Variants in AGBL4 observed in about 807,000 individuals in gnomAD.
AGBL4 encodes the protein cytosolic carboxypeptidase 6.
In AGBL4, 58 loss-of-function variants were observed where a neutral mutation model predicts 66.4. The observed-to-expected ratio is 0.87, with a 90% CI of 0.71 to 1.09. AGBL4 has a LOEUF of 1.09. Ranked by LOEUF, AGBL4 falls within the 50% of genes least tolerant of loss-of-function variation. The pLI, the probability that AGBL4 is intolerant of heterozygous loss-of-function variation, is 0.00. For synonymous variants in AGBL4, 234 were observed against 222.9 expected (o/e 1.05, Z -0.44); for missense variants, 579 against 631.0 (o/e 0.92, Z 0.88).
intron 11 of AGBL4, among the ~76,000 whole-genome samples, chr1:48,551,842 T>A (rs12086810): frequency 0.24 from 36,974 of 151,612 alleles, 5,520 homozygotes; most frequent in African/African-American, 0.42. Context: ...CAAGCAGATG[T>A]GCAGCAGCTT....
At chr1:49,797,671 C>T (rs1451259787) in intron 2 of AGBL4, among the ~76,000 whole-genome samples, 1 of 152,176 alleles carries the variant, frequency 6.6e-6, no homozygotes, top group East Asian at 1.9e-4. Context: ...TCTTGAAACA[C>T]TGGCCTCAAG....
intron 3 of AGBL4, among the ~76,000 whole-genome samples, chr1:49,549,096 T>G (rs955649236): frequency 6.6e-6 from 1 of 152,044 alleles, no homozygotes; most frequent in East Asian, 1.9e-4. Flanking sequence ...ATATTCACAG[T>G]AGCCTTGAAT....
At position 49,669,747 on chromosome 1, in the gene AGBL4, C is replaced by T. The variant is rs183947894; in HGVS notation, c.282+27566G>A. ...AATATGTTTAATCTTCCCAATAAGG[C>T]AAATCTTATCACATCAACTTTACAG... is the stretch of plus-strand genomic sequence containing the variant. On this transcript the variant is annotated intron_variant, in intron 3 of 13. Transcript: ENST00000371839. Among the ~76,000 whole-genome samples, 6 of 152,184 alleles carry T rather than the reference C, an allele frequency of 3.9e-5. No homozygotes were observed. In the East Asian group the frequency reaches 1.2e-3, roughly 29 times the overall value.
chr1:49,746,085 T>A (rs1394085538), intron 2 of AGBL4, among the ~76,000 whole-genome samples: 3 of 152,052 alleles, frequency 2.0e-5, no homozygotes, highest in Non-Finnish European at 2.9e-5. Context: ...CAATTAATTA[T>A]TTAATTTTAT....
At chr1:49,795,768 T>C (rs1482996677) in intron 2 of AGBL4, among the ~76,000 whole-genome samples, 1 of 152,008 alleles carries the variant, frequency 6.6e-6, no homozygotes, top group Non-Finnish European at 1.5e-5. Flanking sequence ...TTTAAGTTAG[T>C]ACTTCAGTTT....
chr1:49,877,335 C>A (rs1647046465), intron 1 of AGBL4, among the ~76,000 whole-genome samples: 1 of 151,870 alleles, frequency 6.6e-6, no homozygotes, highest in African/African-American at 2.4e-5. Context: ...TACGTCCCAT[C>A]AATACCTAAT....
intron 4 of AGBL4, among the ~76,000 whole-genome samples, chr1:49,163,493 C>G (rs1473950290): frequency 3.3e-5 from 5 of 152,114 alleles, no homozygotes; most frequent in African/African-American, 1.2e-4. Flanking sequence ...TATGGTTGAC[C>G]ACATTATATT....
intron 4 of AGBL4, among the ~76,000 whole-genome samples, chr1:49,218,056 T>C (rs1003141574): frequency 6.6e-6 from 1 of 152,156 alleles, no homozygotes; most frequent in African/African-American, 2.4e-5. Flanking sequence ...CTACTGATTC[T>C]GTTTCTGCTC....
At chr1:49,542,823 T>C (rs1352843925) in intron 3 of AGBL4, among the ~76,000 whole-genome samples, 2 of 136,872 alleles carry the variant, frequency 1.5e-5, no homozygotes, top group African/African-American at 2.8e-5. Context: ...CTTTGAAACC[T>C]GGTAGGTGGA....
rs542425810 is a variant in AGBL4 at position 49,017,583 on chromosome 1, A to G, written c.594+28001T>C. On this transcript the variant is annotated intron_variant, in intron 5 of 13. Transcript: ENST00000371839. ...ATCCATCTCTATCTACTTCCAAAAAACCCTGATGGATTCCTTCAGCATCCA... is the reference window on the plus strand; with the variant it reads ...ATCCATCTCTATCTACTTCCAAAAAGCCCTGATGGATTCCTTCAGCATCCA... Among the ~76,000 whole-genome samples, 7 of 152,128 alleles carry G rather than the reference A, an allele frequency of 4.6e-5. No individual in the cohort carries two copies. In the South Asian group the frequency reaches 1.5e-3, roughly 32 times the overall value.
chr1:49,045,470 A>C, intron 5 of AGBL4, 114 bp downstream of exon 5: 1 of 744,864 alleles, frequency 1.3e-6, no homozygotes, highest in Non-Finnish European at 2.1e-6. Context: ...AATTATTAAA[A>C]GTTCTGGAAA....
rs976024909 is a variant in AGBL4, at chr1:49,842,115, C to G, written c.157+9281G>C. 10 of 356,906 alleles carry G rather than the reference C, an allele frequency of 2.8e-5. No individual in the cohort carries two copies. In the East Asian group the frequency reaches 6.5e-4, roughly 23 times the overall value. The allele number at this position is 356,906 out of a possible 1,614,324, so 22.1% of individuals were successfully genotyped here. ...GACCTCCTGAAGTCCGCGCCAAGCT[C>G]CCCAACCACAGCCTCTGCCTCTGAA... On this transcript the variant is annotated intron_variant, in intron 2 of 13. Coordinates refer to ENST00000371839, the MANE Select transcript of AGBL4 (RefSeq NM_032785.4).
chr1:49,723,227 G>T (rs542924886), intron 2 of AGBL4, among the ~76,000 whole-genome samples: 2 of 151,992 alleles, frequency 1.3e-5, no homozygotes, highest in African/African-American at 4.8e-5. Context: ...TGTTAGCCAG[G>T]CCGTAGTCCT....
intron 3 of AGBL4, among the ~76,000 whole-genome samples, chr1:49,347,400 C>A (rs1645655025): frequency 6.6e-6 from 1 of 151,696 alleles, no homozygotes; most frequent in Non-Finnish European, 1.5e-5. Flanking sequence ...TACAGGTGCA[C>A]AACACCACGC....
intron 3 of AGBL4, among the ~76,000 whole-genome samples, chr1:49,525,545 C>G (rs1271482470): frequency 6.6e-6 from 1 of 151,864 alleles, no homozygotes; most frequent in Non-Finnish European, 1.5e-5. Context: ...TAAGACAGGT[C>G]TATAGTAGCC....
intron 1 of AGBL4, among the ~76,000 whole-genome samples, chr1:49,881,027 G>C (rs1024018678): frequency 6.6e-6 from 1 of 152,132 alleles, no homozygotes; most frequent in Non-Finnish European, 1.5e-5. Flanking sequence ...CTCGCGCACA[G>C]TGCGCGCACC....
chr1:48,622,448 T>C (rs945614953), intron 9 of AGBL4, among the ~76,000 whole-genome samples: 2 of 151,860 alleles, frequency 1.3e-5, no homozygotes, highest in Admixed American at 1.3e-4. Flanking sequence ...AAACTTTCTA[T>C]GCTCAAGGAA....
intron 3 of AGBL4, among the ~76,000 whole-genome samples, chr1:49,575,375 T>C (rs1236338672): frequency 1.3e-5 from 2 of 152,154 alleles, no homozygotes; most frequent in Non-Finnish European, 2.9e-5. Context: ...AACCCCCACA[T>C]TGGCTCCCTG....
chr1:49,117,591 G>C (rs1645554397), intron 4 of AGBL4, among the ~76,000 whole-genome samples: 1 of 152,174 alleles, frequency 6.6e-6, no homozygotes, highest in South Asian at 2.1e-4. Context: ...ATCTGTTTTG[G>C]TACTACTACC....
Sources: gnomAD v4.1 joint callset for allele counts (sites outside exome capture counted in the v4.1 genomes callset) on GRCh38, gnomAD v4.1.1 for gene constraint, MANE v1.5 for transcripts, NCBI Gene and HGNC (gene_info 2026-07-23, HGNC 2026-07-21) for gene names.